Variants in CCSER1 observed in about 807,000 individuals in gnomAD.
The protein encoded by CCSER1 is coiled-coil serine rich protein 1.
CCSER1 carries 41 observed loss-of-function variants against 82.0 expected under a neutral mutation model. The observed-to-expected ratio is 0.50, with a 90% CI of 0.39 to 0.65. The LOEUF (loss-of-function observed/expected upper bound fraction) is 0.65. CCSER1 is among the 30% of genes least tolerant of loss of function. CCSER1 has a pLI of 0.00. For synonymous variants in CCSER1, 414 were observed against 383.9 expected, an observed-to-expected ratio of 1.08 and a Z score of -0.92; for missense variants, 1,119 against 1,064.2, an observed-to-expected ratio of 1.05 and a Z score of -0.72.
At chr4:91,568,547 TTTTA>T (rs954376691) in intron 10 of CCSER1, among the ~76,000 whole-genome samples, 4 of 152,182 alleles carry the variant, frequency 2.6e-5, no homozygotes, top group African/African-American at 9.6e-5. Context: ...GTTCATTCAT[TTTTA>T]TTTTTGTTTA....
intron 6 of CCSER1, among the ~76,000 whole-genome samples, chr4:90,685,316 A>G (rs1191073410): frequency 6.6e-6 from 1 of 151,942 alleles, no homozygotes; most frequent in Non-Finnish European, 1.5e-5. Flanking sequence ...AGGAACTGCC[A>G]CTCTGTTTTC....
chr4:91,200,649 G>T (rs1479065807), intron 10 of CCSER1, among the ~76,000 whole-genome samples: 1 of 151,958 alleles, frequency 6.6e-6, no homozygotes, highest in Non-Finnish European at 1.5e-5. Context: ...AGTAATCTAT[G>T]ATACGTAATT....
intron 8 of CCSER1, among the ~76,000 whole-genome samples, chr4:90,817,742 G>A (rs1759205646): frequency 6.6e-6 from 1 of 152,040 alleles, no homozygotes; most frequent in Non-Finnish European, 1.5e-5. Flanking sequence ...AAACATGGTT[G>A]GAAAAAAAAT....
intron 7 of CCSER1, among the ~76,000 whole-genome samples, chr4:90,773,905 T>G (rs1366415441): frequency 6.6e-6 from 1 of 152,136 alleles, no homozygotes; most frequent in Non-Finnish European, 1.5e-5. Context: ...TTCAGAAACT[T>G]CAGCATGCTG....
intron 10 of CCSER1, among the ~76,000 whole-genome samples, chr4:91,208,191 AC>A (rs1350600915): frequency 1.3e-5 from 2 of 151,776 alleles, no homozygotes; most frequent in East Asian, 3.9e-4. Flanking sequence ...TTGCCTGTTT[AC>A]TCTGTTAATA....
chr4:91,560,399 T>A (rs1762599457), intron 10 of CCSER1, among the ~76,000 whole-genome samples: 1 of 151,570 alleles, frequency 6.6e-6, no homozygotes, highest in Non-Finnish European at 1.5e-5. Context: ...GGGTGATTAG[T>A]AATTAAATGT....
chr4:90,780,313 C>T, intron 7 of CCSER1: 1 of 977,342 alleles, frequency 1.0e-6, no homozygotes, highest in South Asian at 1.5e-5. Context: ...CATTGGTGTC[C>T]TTTTACGCTT....
intron 10 of CCSER1, among the ~76,000 whole-genome samples, chr4:91,166,867 T>A (rs1278355659): frequency 3.9e-5 from 6 of 152,184 alleles, no homozygotes; most frequent in Non-Finnish European, 5.9e-5. Flanking sequence ...TAATTTTTTT[T>A]AAACCTGGAA....
At chr4:90,135,344 G>GA (rs897565390) in intron 1 of CCSER1, among the ~76,000 whole-genome samples, 10 of 150,568 alleles carry the variant, frequency 6.6e-5, no homozygotes, top group East Asian at 3.9e-4. Flanking sequence ...CCCCCCCTTT[G>GA]AAAAAAAACA....
chr4:90,915,711 G>A (rs1727267378), intron 8 of CCSER1, among the ~76,000 whole-genome samples: 1 of 112,878 alleles, frequency 8.9e-6, no homozygotes, highest in Non-Finnish European at 1.7e-5. Flanking sequence ...ATTAGGAAAG[G>A]AGGAAGTCAT....
intron 3 of CCSER1, among the ~76,000 whole-genome samples, chr4:90,363,290 TA>T (rs1745701292): frequency 6.6e-6 from 1 of 152,170 alleles, no homozygotes; most frequent in Non-Finnish European, 1.5e-5. Context: ...CTTCTTAAAA[TA>T]AATAGTACGC....
chr4:91,547,783 T>C (rs944659074), intron 10 of CCSER1, among the ~76,000 whole-genome samples: 1 of 152,072 alleles, frequency 6.6e-6, no homozygotes, highest in Non-Finnish European at 1.5e-5. Context: ...AGTTTTTTGT[T>C]TTTTTGTTTG....
chr4:90,644,712 C>T (rs28441697), intron 6 of CCSER1, among the ~76,000 whole-genome samples: 2,556 of 151,762 alleles, frequency 0.017, 40 homozygotes, highest in African/African-American at 0.031. Context: ...AGCGAGAAGA[C>T]GTAGTGTTTG....
chr4:91,585,283 CT>C (rs1191325256), intron 10 of CCSER1, among the ~76,000 whole-genome samples: 2 of 151,408 alleles, frequency 1.3e-5, no homozygotes, highest in Non-Finnish European at 3.0e-5. Flanking sequence ...TATAGTCACT[CT>C]GAAGGATTTA....
intron 10 of CCSER1, among the ~76,000 whole-genome samples, chr4:91,351,821 C>A (rs1748490926): frequency 6.6e-6 from 1 of 151,872 alleles, no homozygotes; most frequent in Non-Finnish European, 1.5e-5. Flanking sequence ...GGAAAATATT[C>A]ATTTGTCCTA....
At chr4:91,551,760 ATTCTT>A (rs1290913894) in intron 10 of CCSER1, among the ~76,000 whole-genome samples, 2 of 149,002 alleles carry the variant, frequency 1.3e-5, no homozygotes, top group Non-Finnish European at 3.0e-5. Context: ...CCAGGAAATT[ATTCTT>A]TTATTAATTT....
At chr4:91,335,576 T>G (rs1747258300) in intron 10 of CCSER1, among the ~76,000 whole-genome samples, 1 of 152,152 alleles carries the variant, frequency 6.6e-6, no homozygotes, top group Non-Finnish European at 1.5e-5. Context: ...GAGGAAATTC[T>G]TTCCCTTTTC....
At chr4:90,337,762 A>C (rs1257691786) in intron 3 of CCSER1, among the ~76,000 whole-genome samples, 1 of 152,186 alleles carries the variant, frequency 6.6e-6, no homozygotes, top group Non-Finnish European at 1.5e-5. Context: ...AGCTATTTTC[A>C]GATAATAGTA....
chr4:90,547,797 T>G (rs148856314), intron 5 of CCSER1, among the ~76,000 whole-genome samples: 1 of 152,172 alleles, frequency 6.6e-6, no homozygotes, highest in Non-Finnish European at 1.5e-5. Flanking sequence ...GGCTCTAATT[T>G]TTTTGTACCT....
Sources: allele counts gnomAD v4.1 joint callset (sites outside exome capture counted in the v4.1 genomes callset), GRCh38; gene constraint gnomAD v4.1.1; transcripts MANE v1.5; gene names NCBI Gene and HGNC (gene_info 2026-07-23, HGNC 2026-07-21).